ROBO2: variants seen among roughly 807,000 people sequenced by gnomAD.
ROBO2 encodes roundabout homolog 2.
A neutral mutation model predicts 160.8 loss-of-function variants in ROBO2; 53 were observed. The observed-to-expected ratio is 0.33, with a 90% CI of 0.26 to 0.41. The LOEUF is 0.41. Ranked by LOEUF, ROBO2 falls within the 10% of genes least tolerant of loss-of-function variation. The pLI is 1.00. For synonymous variants in ROBO2, 664 were observed against 611.7 expected, an observed-to-expected ratio of 1.09 and a Z score of -1.26; for missense variants, 1,577 against 1,722.4, an observed-to-expected ratio of 0.92 and a Z score of 1.49.
At chr3:76,059,478 C>G (rs1225571698) in intron 2 of ROBO2, among the ~76,000 whole-genome samples, 1 of 152,084 alleles carries the variant, frequency 6.6e-6, no homozygotes. Context: ...ATATACTTTG[C>G]CCACTTTTTG....
In ROBO2 at chr3:77,351,955, G is replaced by T. The variant is rs561486293; in HGVS notation, c.389-125459G>T. Among the ~76,000 whole-genome samples the T allele has an allele frequency of 1.3e-4, 19 of 151,852 alleles. 1 individual carries two copies. Among genetic ancestry groups the T allele is most frequent in the African/African-American group, 4.3e-4 (18 of 41,418 alleles). Reference sequence around the variant, plus strand: ...TACTCTGGGGACTGTTGTGGAGTGGGGGCAGGGGGGAGGGTGAGCATTAGG... The same window carrying T: ...TACTCTGGGGACTGTTGTGGAGTGGTGGCAGGGGGGAGGGTGAGCATTAGG... On this transcript the variant is annotated intron_variant, in intron 2 of 25. Transcript: ENST00000461745.
chr3:76,090,669 G>A (rs2069193700), intron 2 of ROBO2, among the ~76,000 whole-genome samples: 1 of 152,154 alleles, frequency 6.6e-6, no homozygotes, highest in South Asian at 2.1e-4. Flanking sequence ...AATTGGAGAA[G>A]TGATGCTATC....
intron 2 of ROBO2, among the ~76,000 whole-genome samples, chr3:76,316,261 G>A (rs548813569): frequency 1.2e-4 from 19 of 152,202 alleles, no homozygotes; most frequent in African/African-American, 4.3e-4. Flanking sequence ...AGACCAGGGC[G>A]TATCTCAGTC....
intron 22 of ROBO2, 30 bp downstream of exon 23, chr3:77,617,803 A>G (rs2094814218): frequency 3.1e-6 from 5 of 1,609,026 alleles, no homozygotes; most frequent in African/African-American, 1.3e-5. Context: ...CAAGAGACCC[A>G]TGCTTTCAAC....
At chr3:76,609,608 T>C (rs554403154) in intron 2 of ROBO2, among the ~76,000 whole-genome samples, 2 of 152,204 alleles carry the variant, frequency 1.3e-5, no homozygotes, top group South Asian at 2.1e-4. Context: ...TTAGCTTGGA[T>C]AGGTTTTTGG....
At chr3:76,118,255 G>A (rs1451528806) in intron 2 of ROBO2, among the ~76,000 whole-genome samples, 1 of 152,158 alleles carries the variant, frequency 6.6e-6, no homozygotes, top group Non-Finnish European at 1.5e-5. Context: ...GAGGGACACA[G>A]AGAGACAAGG....
intron 2 of ROBO2, among the ~76,000 whole-genome samples, chr3:76,371,635 A>G (rs140957467): frequency 1.1e-4 from 16 of 152,072 alleles, no homozygotes; most frequent in African/African-American, 3.9e-4. Context: ...AATGAGACAT[A>G]TTTTCAAGTT....
chr3:76,598,626 C>T (rs1334559715), intron 2 of ROBO2, among the ~76,000 whole-genome samples: 1 of 151,978 alleles, frequency 6.6e-6, no homozygotes. Context: ...GTAATTATCT[C>T]AGTAAAAATT....
rs1360703389 is a variant in ROBO2 at position 76,864,513 on chromosome 3, A to G, written c.110-233501A>G. On this transcript the variant is annotated intron_variant, in intron 2 of 26. Coordinates refer to the ROBO2 transcript ENST00000487694. ...TCATCCATTATGTCTCTAGGGTAGA[A>G]TTGCCAGAAACTCAAGTTGACATCA... 2.0e-5 allele frequency among the ~76,000 whole-genome samples: 3 copies of G among 152,098 alleles called. No homozygotes were observed. The East Asian group carries it at 5.8e-4, about 29-fold the overall frequency.
chr3:76,643,997 T>C (rs923856816), intron 2 of ROBO2, among the ~76,000 whole-genome samples: 1 of 152,260 alleles, frequency 6.6e-6, no homozygotes, highest in Non-Finnish European at 1.5e-5. Context: ...TCAAACTTTT[T>C]TGTCATATAA....
At chr3:76,636,929 G>T (rs559978684) in intron 2 of ROBO2, among the ~76,000 whole-genome samples, 1 of 143,408 alleles carries the variant, frequency 7.0e-6, no homozygotes, top group Non-Finnish European at 1.5e-5. Flanking sequence ...GACAAAGTGG[G>T]TAGAATAGAG....
At chr3:76,841,227 T>C (rs772938609) in intron 2 of ROBO2, among the ~76,000 whole-genome samples, 1 of 152,158 alleles carries the variant, frequency 6.6e-6, no homozygotes, top group African/African-American at 2.4e-5. Context: ...AGCCCAGATA[T>C]GTGGGGCTAA....
chr3:76,297,362 A>G (rs1428026023), intron 2 of ROBO2, among the ~76,000 whole-genome samples: 2 of 152,164 alleles, frequency 1.3e-5, no homozygotes, highest in African/African-American at 4.8e-5. Context: ...TCCCATTGCC[A>G]TGTCACACTT....
At chr3:76,600,218 G>T (rs1319412968) in intron 2 of ROBO2, among the ~76,000 whole-genome samples, 1 of 152,100 alleles carries the variant, frequency 6.6e-6, no homozygotes, top group Admixed American at 6.5e-5. Flanking sequence ...ATTGATTTTT[G>T]TATATGGTGT....
chr3:76,161,365 A>C (rs926501273), intron 2 of ROBO2, among the ~76,000 whole-genome samples: 20 of 152,160 alleles, frequency 1.3e-4, no homozygotes, highest in African/African-American at 4.6e-4. Context: ...TTTATTTTCT[A>C]TTGTGCTTAT....
intron 2 of ROBO2, among the ~76,000 whole-genome samples, chr3:76,248,435 G>T (rs999251978): frequency 1.4e-5 from 2 of 146,362 alleles, no homozygotes; most frequent in African/African-American, 5.1e-5. Flanking sequence ...GGTGGGAATT[G>T]AACAATGAGA....
chr3:77,068,583 T>C (rs2067098523), intron 1 of ROBO2, among the ~76,000 whole-genome samples: 1 of 152,008 alleles, frequency 6.6e-6, no homozygotes. Flanking sequence ...AGTTCAAAAT[T>C]CACCCCAAAG....
intron 2 of ROBO2, among the ~76,000 whole-genome samples, chr3:76,691,879 C>A (rs921946048): frequency 6.6e-6 from 1 of 152,062 alleles, no homozygotes; most frequent in Non-Finnish European, 1.5e-5. Context: ...CCGAGGTGTA[C>A]AAATTCTAGT....
At chr3:76,328,908 T>TTTTA (rs1370335347) in intron 2 of ROBO2, among the ~76,000 whole-genome samples, 171 of 136,022 alleles carry the variant, frequency 1.3e-3, no homozygotes, top group South Asian at 3.5e-3. Flanking sequence ...ATTTATGTTA[T>TTTTA]TATATATATA....
Sources: gnomAD v4.1 joint callset for allele counts (sites outside exome capture counted in the v4.1 genomes callset) on GRCh38, gnomAD v4.1.1 for gene constraint, MANE v1.5 for transcripts, NCBI Gene and HGNC (gene_info 2026-07-23, HGNC 2026-07-21) for gene names.